Variants in AGBL1 observed in about 807,000 individuals in gnomAD.
The protein encoded by AGBL1 is cytosolic carboxypeptidase 4.
AGBL1 carries 130 observed loss-of-function variants against 118.9 expected under a neutral mutation model. The ratio of observed to expected loss-of-function variants is 1.09; its 90% CI spans 0.95 to 1.26. The LOEUF (loss-of-function observed/expected upper bound fraction) is 1.26. Ranked by LOEUF, AGBL1 falls within the 50% of genes most tolerant of loss-of-function variation. The probability of loss-of-function intolerance (pLI) is 0.00; values close to 1 mark genes in which losing one functional copy is unlikely to be tolerated. For synonymous variants in AGBL1, 555 were observed against 478.9 expected, an observed-to-expected ratio of 1.16 and a Z score of -2.08; for missense variants, 1,584 against 1,298.1, an observed-to-expected ratio of 1.22 and a Z score of -3.38.
At chr15:86,364,663 T>C (rs1291766894) in intron 17 of AGBL1, among the ~76,000 whole-genome samples, 2 of 152,152 alleles carry the variant, frequency 1.3e-5, no homozygotes, top group Non-Finnish European at 2.9e-5. Flanking sequence ...TATACAACTG[T>C]ATTTATTTCT....
chr15:86,705,150 A>G (rs1055727867), intron 22 of AGBL1, among the ~76,000 whole-genome samples: 2 of 152,044 alleles, frequency 1.3e-5, no homozygotes, highest in Non-Finnish European at 2.9e-5. Flanking sequence ...GTGGGGGGCA[A>G]GGGGAGGGAG....
intron 21 of AGBL1, among the ~76,000 whole-genome samples, chr15:86,625,905 C>G (rs866939499): frequency 6.6e-6 from 1 of 152,048 alleles, no homozygotes; most frequent in Middle Eastern, 3.2e-3. Flanking sequence ...AGGATTCAAT[C>G]AAGAATCGAA....
intron 22 of AGBL1, among the ~76,000 whole-genome samples, chr15:86,794,585 T>C (rs2078543332): frequency 6.6e-6 from 1 of 152,188 alleles, no homozygotes; most frequent in African/African-American, 2.4e-5. Flanking sequence ...CACAGTACTT[T>C]ACAATGATTA....
chr15:86,706,848 G>A (rs1269829860), intron 22 of AGBL1, among the ~76,000 whole-genome samples: 1 of 152,050 alleles, frequency 6.6e-6, no homozygotes, highest in Non-Finnish European at 1.5e-5. Context: ...TGGAATATTA[G>A]AAACACCTAC....
intron 1 of AGBL1, among the ~76,000 whole-genome samples, chr15:86,117,625 A>G (rs1897844447): frequency 6.6e-6 from 1 of 152,224 alleles, no homozygotes; most frequent in African/African-American, 2.4e-5. Flanking sequence ...ATGTGCAATG[A>G]TTAACACTTC....
At chr15:86,422,249 C>G (rs1227039738) in intron 18 of AGBL1, among the ~76,000 whole-genome samples, 1 of 152,230 alleles carries the variant, frequency 6.6e-6, no homozygotes, top group Non-Finnish European at 1.5e-5. Context: ...CAAACAGTCT[C>G]TCAGACCAAA....
intron 21 of AGBL1, among the ~76,000 whole-genome samples, chr15:86,616,227 C>T (rs1329145180): frequency 1.3e-5 from 2 of 151,762 alleles, no homozygotes; most frequent in South Asian, 2.1e-4. Context: ...ATCTCAGCTA[C>T]TCAGGAGGCT....
At chr15:86,897,822 C>T (rs767272971) in intron 22 of AGBL1, among the ~76,000 whole-genome samples, 68 of 129,426 alleles carry the variant, frequency 5.3e-4, no homozygotes, top group Admixed American at 1.6e-3. Context: ...CAGGCTGAAG[C>T]GCAGTGGCAC....
chr15:86,528,302 C>G (rs900181461), intron 19 of AGBL1, among the ~76,000 whole-genome samples: 27 of 152,218 alleles, frequency 1.8e-4, no homozygotes, highest in African/African-American at 6.3e-4. Context: ...CTGGGAAGCG[C>G]AAGGGGTCAG....
chr15:86,301,693 T>TGTGA (rs1357849970), intron 17 of AGBL1, among the ~76,000 whole-genome samples: 7 of 139,400 alleles, frequency 5.0e-5, no homozygotes, highest in African/African-American at 1.8e-4. Context: ...TGTGTGTGTG[T>TGTGA]GATGTCAAAC....
At chr15:86,138,227 C>T (rs1004592626) in intron 1 of AGBL1, 10 of 152,214 alleles carry the variant, frequency 6.6e-5, no homozygotes, top group African/African-American at 2.2e-4. Context: ...ATGTTGCCCT[C>T]GGAACACACA....
At chr15:86,975,111 G>A (rs192075280) in intron 23 of AGBL1, among the ~76,000 whole-genome samples, 6,082 of 151,998 alleles carry the variant, frequency 0.04, 152 homozygotes, top group Middle Eastern at 0.068. Flanking sequence ...GAGGAGCAAA[G>A]AGATAAAATG....
chr15:86,316,965 G>T, intron 17 of AGBL1: 1 of 152,346 alleles, frequency 6.6e-6, no homozygotes. Flanking sequence ...AGCTTGAACT[G>T]GGACTTTCAG....
chr15:86,390,957 A>C (rs192286656), intron 17 of AGBL1, among the ~76,000 whole-genome samples: 2 of 151,416 alleles, frequency 1.3e-5, no homozygotes, highest in African/African-American at 4.9e-5. Context: ...GGCGTGAGCC[A>C]CCGTTACTCA....
intron 21 of AGBL1, among the ~76,000 whole-genome samples, chr15:86,610,033 T>TC (rs959144553): frequency 3.3e-5 from 5 of 151,988 alleles, no homozygotes; most frequent in Non-Finnish European, 5.9e-5. Flanking sequence ...AGACTACATG[T>TC]CCCCCCCATC....
chr15:86,419,867 G>C (rs952569746), intron 18 of AGBL1, among the ~76,000 whole-genome samples: 4 of 152,182 alleles, frequency 2.6e-5, no homozygotes, highest in East Asian at 3.9e-4. Flanking sequence ...ACTGGGCAGA[G>C]CCCCCTATAG....
At chr15:86,486,023 A>G (rs1403004735) in intron 18 of AGBL1, among the ~76,000 whole-genome samples, 1 of 152,026 alleles carries the variant, frequency 6.6e-6, no homozygotes, top group South Asian at 2.1e-4. Context: ...CTGGGTTGAC[A>G]CTTAGGTTCT....
chr15:86,720,584 T>C (rs1176763387), intron 22 of AGBL1, among the ~76,000 whole-genome samples: 1 of 152,196 alleles, frequency 6.6e-6, no homozygotes, highest in African/African-American at 2.4e-5. Context: ...TTTTCATTGC[T>C]CTGGTCAGGA....
intron 18 of AGBL1, among the ~76,000 whole-genome samples, chr15:86,404,097 A>G (rs1328642606): frequency 3.3e-5 from 5 of 152,128 alleles, no homozygotes; most frequent in African/African-American, 1.2e-4. Flanking sequence ...TAGAGATATA[A>G]ATAGAGTCTT....
Sources: gnomAD v4.1 joint callset for allele counts (sites outside exome capture counted in the v4.1 genomes callset) on GRCh38, gnomAD v4.1.1 for gene constraint, MANE v1.5 for transcripts, NCBI Gene and HGNC (gene_info 2026-07-23, HGNC 2026-07-21) for gene names.